CCDC171: variants seen among roughly 807,000 people sequenced by gnomAD.
CCDC171 encodes the protein coiled-coil domain containing 171.
CCDC171 carries 177 observed loss-of-function variants against 168.2 expected under a neutral mutation model. The ratio of observed to expected loss-of-function variants is 1.05; its 90% CI spans 0.93 to 1.19. CCDC171 has a LOEUF of 1.19. Among genes scored for constraint, CCDC171 ranks in the 50% most tolerant of loss-of-function variants. The pLI is 0.00. For missense variants in CCDC171, 1,991 were observed against 1,539.0 expected (o/e 1.29, Z -4.91); for synonymous variants, 687 against 540.8 (o/e 1.27, Z -3.75).
intron 3 of CCDC171, among the ~76,000 whole-genome samples, chr9:15,994,524 C>T (rs938008569): frequency 1.2e-4 from 19 of 152,168 alleles, no homozygotes; most frequent in South Asian, 6.2e-4. Flanking sequence ...ACATGGCACA[C>T]GTATACATAT....
chr9:15,943,177 C>G (rs1412770600), intron 25 of CCDC171, among the ~76,000 whole-genome samples: 1 of 151,920 alleles, frequency 6.6e-6, no homozygotes, highest in African/African-American at 2.4e-5. Context: ...TTTATTGTCA[C>G]TGATATATTT....
intron 21 of CCDC171, among the ~76,000 whole-genome samples, chr9:15,795,532 T>G (rs2058507510): frequency 6.6e-6 from 1 of 152,084 alleles, no homozygotes; most frequent in Non-Finnish European, 1.5e-5. Flanking sequence ...AAACACCAAA[T>G]GATGAGGACT....
At chr9:15,955,075 T>C (rs1470441057) in intron 25 of CCDC171, among the ~76,000 whole-genome samples, 1 of 152,294 alleles carries the variant, frequency 6.6e-6, no homozygotes. Context: ...TCAGATTTTC[T>C]CCCTTCCCTA....
At chr9:15,628,928 A>C (rs561324002) in intron 7 of CCDC171, among the ~76,000 whole-genome samples, 1 of 152,322 alleles carries the variant, frequency 6.6e-6, no homozygotes, top group East Asian at 1.9e-4. Context: ...CAGAGTCTGG[A>C]GTGGACCTCT....
intron 3 of CCDC171, among the ~76,000 whole-genome samples, chr9:15,982,878 C>G (rs1831847099): frequency 6.6e-6 from 1 of 152,056 alleles, no homozygotes; most frequent in Non-Finnish European, 1.5e-5. Flanking sequence ...AATGGGAGAC[C>G]AAGGGGGACA....
chr9:15,628,106 A>T (rs997420030), intron 7 of CCDC171, among the ~76,000 whole-genome samples: 3 of 152,190 alleles, frequency 2.0e-5, no homozygotes, highest in Admixed American at 2.0e-4. Context: ...GCGACGCAGA[A>T]GACGGGTGAT....
At chr9:15,962,067 C>G (rs1029023315) in intron 25 of CCDC171, among the ~76,000 whole-genome samples, 57 of 152,110 alleles carry the variant, frequency 3.7e-4, no homozygotes, top group Middle Eastern at 3.2e-3. Context: ...ATGTGAAATT[C>G]AGATTTCACT....
chr9:16,034,918 AC>A lies in CCDC171; in HGVS notation n.999-538del, dbSNP rs371751546. Among the ~76,000 whole-genome samples the A allele has an allele frequency of 6.2e-4, 94 of 152,288 alleles. No homozygotes were observed. The East Asian group carries it at 0.016, about 25-fold the overall frequency. ...CTATCCTCCCCTATCCCCAGGCCAA[AC>A]TTAATAAATGCACAATTGAGAAGAA... is the stretch of plus-strand genomic sequence containing the variant. On this transcript the variant is annotated intron_variant and non_coding_transcript_variant, in intron 6 of 9. Coordinates refer to the CCDC171 transcript ENST00000486641.
At chr9:15,573,321 G>T (rs547246702) in intron 3 of CCDC171, among the ~76,000 whole-genome samples, 1 of 152,084 alleles carries the variant, frequency 6.6e-6, no homozygotes, top group Non-Finnish European at 1.5e-5. Flanking sequence ...TGTCACCCAG[G>T]CTGGAGTGCA....
At chr9:15,696,763 T>A (rs2051247705) in intron 11 of CCDC171, among the ~76,000 whole-genome samples, 1 of 152,234 alleles carries the variant, frequency 6.6e-6, no homozygotes, top group Admixed American at 6.5e-5. Context: ...ACAAAGCAAC[T>A]CAGAAGTTAT....
At chr9:15,730,617 A>C (rs1224575704) in intron 16 of CCDC171, among the ~76,000 whole-genome samples, 1 of 151,842 alleles carries the variant, frequency 6.6e-6, no homozygotes, top group Non-Finnish European at 1.5e-5. Context: ...TCTAATTAAA[A>C]ATAACCAAAC....
intron 20 of CCDC171, among the ~76,000 whole-genome samples, chr9:15,780,385 T>C (rs1465161680): frequency 6.6e-6 from 1 of 151,744 alleles, no homozygotes; most frequent in African/African-American, 2.4e-5. Context: ...CAAGAAAGTA[T>C]TAAGAAGAAA....
rs563255030 is a variant in CCDC171, at chr9:15,949,260, G to A, written c.3754-22349G>A. On this transcript the variant is annotated intron_variant, in intron 25 of 25. Coordinates refer to ENST00000380701, the MANE Select transcript of CCDC171 (RefSeq NM_173550.4). Reference sequence around the variant, plus strand: ...ATAGTTTGAAGTCAGGTAGCATGATGCCTCCAGCTTTGTTTTTTTGGCTTG... The same window carrying A: ...ATAGTTTGAAGTCAGGTAGCATGATACCTCCAGCTTTGTTTTTTTGGCTTG... Among the ~76,000 whole-genome samples, 212 of 152,062 alleles carry A rather than the reference G, an allele frequency of 1.4e-3. 1 individual carries two copies. The highest frequency in any genetic ancestry group is 2.7e-3 in the Non-Finnish European group (181 of 68,024).
chr9:15,656,399 A>C (rs968378607), intron 7 of CCDC171, among the ~76,000 whole-genome samples: 1 of 152,234 alleles, frequency 6.6e-6, no homozygotes, highest in African/African-American at 2.4e-5. Context: ...ACCCCAGAGA[A>C]ATGAAAGTGT....
chr9:15,781,587 AT>A (rs2057671402), intron 20 of CCDC171, among the ~76,000 whole-genome samples: 2 of 151,896 alleles, frequency 1.3e-5, no homozygotes, highest in African/African-American at 2.4e-5. Context: ...AATTTTTTGT[AT>A]TTTTAGTAGA....
At chr9:15,723,888 T>G in intron 13 of CCDC171, 142 bp downstream of exon 13, 6 of 424,396 alleles carry the variant, frequency 1.4e-5, no homozygotes, top group Non-Finnish European at 2.5e-5. Flanking sequence ...TTTTAATTTT[T>G]TCTTGTTGAT....
chr9:15,686,380 A>G (rs2050394234), intron 10 of CCDC171, among the ~76,000 whole-genome samples: 1 of 152,104 alleles, frequency 6.6e-6, no homozygotes, highest in African/African-American at 2.4e-5. Context: ...AATCTTGGTC[A>G]TGCAGGGTTT....
chr9:15,728,157 C>G, intron 15 of CCDC171, 121 bp downstream of exon 15: 5 of 736,738 alleles, frequency 6.8e-6, no homozygotes, highest in Non-Finnish European at 1.1e-5. Context: ...GTTAATAATT[C>G]AATACCATTA....
intron 7 of CCDC171, among the ~76,000 whole-genome samples, chr9:15,636,450 A>G (rs1412368300): frequency 2.6e-5 from 4 of 152,100 alleles, no homozygotes; most frequent in African/African-American, 9.7e-5. Flanking sequence ...TAGATGGCTT[A>G]CTAAAAAAGG....
Sources: gnomAD v4.1 joint callset for allele counts (sites outside exome capture counted in the v4.1 genomes callset) on GRCh38, gnomAD v4.1.1 for gene constraint, MANE v1.5 for transcripts, NCBI Gene and HGNC (gene_info 2026-07-23, HGNC 2026-07-21) for gene names.